The following TMPRSS11B variants were observed in gnomAD, a reference collection of about 807,000 sequenced individuals.
The protein encoded by TMPRSS11B is transmembrane serine protease 11B.
Under a neutral mutation model 44.7 loss-of-function variants are expected in TMPRSS11B, and 53 were observed. The observed-to-expected ratio is 1.19, with a 90% CI of 0.95 to 1.49. The LOEUF (loss-of-function observed/expected upper bound fraction) is 1.49. Among genes scored for constraint, TMPRSS11B ranks in the 40% most tolerant of loss-of-function variants. The pLI is 0.00. For synonymous variants in TMPRSS11B, 140 were observed against 159.2 expected (o/e 0.88, Z 0.91); for missense variants, 526 against 494.8 (o/e 1.06, Z -0.60).
chr4:68,234,022 A>T (rs892126794), intron 5 of TMPRSS11B, among the ~76,000 whole-genome samples: 3 of 152,070 alleles, frequency 2.0e-5, no homozygotes, highest in African/African-American at 7.2e-5. Flanking sequence ...ATACAAAAAA[A>T]TTAGCCAGGT....
chr4:68,230,767 G>A (rs1271283347), intron 7 of TMPRSS11B, among the ~76,000 whole-genome samples: 1 of 149,248 alleles, frequency 6.7e-6, no homozygotes, highest in Non-Finnish European at 1.5e-5. Context: ...TCGCACCATT[G>A]CACTCCAACC....
intron 5 of TMPRSS11B, 25 bp downstream of exon 5, chr4:68,234,438 A>G: frequency 6.3e-7 from 1 of 1,595,534 alleles, no homozygotes; most frequent in Non-Finnish European, 8.5e-7. Context: ...TATGTAATAG[A>G]AAATAATGGA....
chr4:68,242,376 A>ATATATAATATTATATTATATATAATAT (rs1719883946), intron 1 of TMPRSS11B, among the ~76,000 whole-genome samples: 1 of 57,896 alleles, frequency 1.7e-5, no homozygotes, highest in African/African-American at 7.2e-5. Context: ...ATATAATATT[A>ATATATAATATTATATTATATATAATAT]TATATATAAT....
At position 68,241,685 on chromosome 4, in the gene TMPRSS11B, T is replaced by C; in HGVS notation, c.124+4A>G. 1 of 1,585,198 alleles carries C rather than the reference T, an allele frequency of 6.3e-7. No homozygotes were observed. The highest frequency in any genetic ancestry group is 2.2e-5 in the East Asian group (1 of 44,698). ...GATGAAAACTGAAAATAATCAGTAC[T>C]CACCAACTGCCAGAAAATGAACAAG... On this transcript the variant is annotated splice_donor_region_variant and intron_variant, in intron 2 of 9. Transcript: ENST00000332644.
chr4:68,241,219 T>C (rs1460807212), intron 2 of TMPRSS11B, among the ~76,000 whole-genome samples: 1 of 152,126 alleles, frequency 6.6e-6, no homozygotes, highest in African/African-American at 2.4e-5. Flanking sequence ...GTTTTAAAAA[T>C]AAAACCATGT....
At chr4:68,239,496 C>A (rs541009305) in intron 2 of TMPRSS11B, among the ~76,000 whole-genome samples, 1 of 152,268 alleles carries the variant, frequency 6.6e-6, no homozygotes, top group South Asian at 2.1e-4. Context: ...TTTAACCTAG[C>A]CAGTCTGTGG....
intron 1 of TMPRSS11B, among the ~76,000 whole-genome samples, chr4:68,244,467 A>G (rs1192558213): frequency 6.6e-6 from 1 of 152,220 alleles, no homozygotes; most frequent in Non-Finnish European, 1.5e-5. Flanking sequence ...TCTACCAAAA[A>G]ATACAAAAAT....
intron 8 of TMPRSS11B, 55 bp from the exon 9 acceptor site, chr4:68,228,939 G>C (rs1719431088): frequency 6.4e-7 from 1 of 1,563,292 alleles, no homozygotes; most frequent in Admixed American, 1.8e-5. Context: ...CTGGGACAAA[G>C]AATATCTACC....
chr4:68,242,994 G>A (rs1307288802), intron 1 of TMPRSS11B, among the ~76,000 whole-genome samples: 2 of 152,134 alleles, frequency 1.3e-5, no homozygotes, highest in African/African-American at 4.8e-5. Flanking sequence ...TGGTGGTTCG[G>A]CATCATAGAG....
Position 68,229,244 on chromosome 4 carries a change from CA to C in TMPRSS11B, c.946+12del. 2.5e-6 allele frequency: 4 copies of C among 1,577,510 alleles called. No individual in the cohort carries two copies. Among genetic ancestry groups the C allele is most frequent in the Non-Finnish European group, 2.6e-6 (3 of 1,162,716 alleles). On this transcript the variant is annotated intron_variant, in intron 8 of 9. Coordinates refer to ENST00000332644, the MANE Select transcript of TMPRSS11B (RefSeq NM_182502.3). ...TTCCCATGCAGCTATTATGATTTTA[CA>C]AAAAAACTTACCATTCATATAAAGT... is the stretch of plus-strand genomic sequence containing the variant.
At chr4:68,228,668 A>G in intron 9 of TMPRSS11B, 74 bp downstream of exon 9, 1 of 1,510,556 alleles carries the variant, frequency 6.6e-7, no homozygotes, top group Admixed American at 2.3e-5. Context: ...TTAACACAAA[A>G]AAAATTTTAT....
intron 2 of TMPRSS11B, among the ~76,000 whole-genome samples, chr4:68,239,369 G>C (rs1719762803): frequency 6.6e-6 from 1 of 152,102 alleles, no homozygotes; most frequent in South Asian, 2.1e-4. Flanking sequence ...AAAGGCCACG[G>C]GAAGGCACAG....
Position 68,229,526 on chromosome 4 carries a change from A to G in TMPRSS11B, c.687-10T>C. On this transcript the variant is annotated splice_polypyrimidine_tract_variant and intron_variant, in intron 7 of 9. Coordinates refer to ENST00000332644, the MANE Select transcript of TMPRSS11B (RefSeq NM_182502.3). ...TTTTGAATTATTTTTCCTAGAGGAC[A>G]CAATGTAATTAGAATACACTCAGTT... is the stretch of plus-strand genomic sequence containing the variant. 6.2e-7 allele frequency: 1 copy of G among 1,607,634 alleles called. No homozygotes were observed. Among genetic ancestry groups the G allele is most frequent in the Non-Finnish European group, 8.5e-7 (1 of 1,176,272 alleles).
At chr4:68,233,613 TCTC>T (rs1719580385) in intron 5 of TMPRSS11B, among the ~76,000 whole-genome samples, 1 of 152,050 alleles carries the variant, frequency 6.6e-6, no homozygotes, top group African/African-American at 2.4e-5. Context: ...TTCCTCCTCT[TCTC>T]CTTCCCTCTA....
chr4:68,231,169 A>G (rs766072139), intron 7 of TMPRSS11B, 34 bp downstream of exon 7: 2 of 1,576,372 alleles, frequency 1.3e-6, no homozygotes, highest in Admixed American at 1.8e-5. Context: ...TTTTGCACCT[A>G]GCATCCTTCA....
In TMPRSS11B at chr4:68,241,763, G is replaced by A. The variant is rs765434060; in HGVS notation, c.50C>T (p.Thr17Met). The stretch of plus-strand genomic sequence containing the variant: ...CGCCACTCCAAGAAAAATAAAGATC[G>A]TAGTCCATAGTGGCCAAGATCTTTG... ...SSQRSWPLWT[T>M]IFIFLGVAAI... Residue 17 changes from threonine (T) to methionine (M), a missense_variant, in exon 2 of 10, where the codon ACG (threonine) becomes ATG (methionine). Coordinates refer to ENST00000332644, the MANE Select transcript of TMPRSS11B (RefSeq NM_182502.3). 1.1e-4 allele frequency: 182 copies of A among 1,612,974 alleles called. No individual in the cohort carries two copies. Among genetic ancestry groups the A allele is most frequent in the Middle Eastern group, 4.9e-4 (3 of 6,074 alleles).
intron 2 of TMPRSS11B, among the ~76,000 whole-genome samples, chr4:68,236,961 T>A (rs546699298): frequency 6.7e-6 from 1 of 150,266 alleles, no homozygotes; most frequent in Non-Finnish European, 1.5e-5. Flanking sequence ...TATTATACTT[T>A]AACTTCTGGG....
intron 5 of TMPRSS11B, 41 bp from the exon 6 acceptor site, chr4:68,232,457 T>G (rs746437272): frequency 6.3e-7 from 1 of 1,585,418 alleles, no homozygotes; most frequent in Non-Finnish European, 8.6e-7. Flanking sequence ...ATTGAGCAAA[T>G]ATCACCAAGC....
intron 4 of TMPRSS11B, 43 bp downstream of exon 4, chr4:68,235,959 A>T (rs745872583): frequency 5.7e-6 from 7 of 1,220,552 alleles, no homozygotes; most frequent in Non-Finnish European, 8.0e-6. Context: ...ATGATATATC[A>T]CCTACTTTCC....
Sources: allele counts gnomAD v4.1 joint callset (sites outside exome capture counted in the v4.1 genomes callset), GRCh38; gene constraint gnomAD v4.1.1; transcripts MANE v1.5; gene names NCBI Gene and HGNC (gene_info 2026-07-23, HGNC 2026-07-21).